The following TARBP1 variants were observed in gnomAD, a reference collection of about 807,000 sequenced individuals.
TARBP1 encodes the protein tRNA guanosine 2 -O-methyltransferase TARBP1.
TARBP1 carries 144 observed loss-of-function variants against 178.6 expected under a neutral mutation model. That is an observed-to-expected ratio of 0.81 (90% confidence interval 0.70 to 0.93). The LOEUF (loss-of-function observed/expected upper bound fraction) is 0.93, where lower values mean the gene tolerates loss of function less well. Ranked by LOEUF, TARBP1 falls within the 40% of genes least tolerant of loss-of-function variation. The probability of loss-of-function intolerance (pLI) is 0.00; values close to 1 mark genes in which losing one functional copy is unlikely to be tolerated. For missense variants in TARBP1, 2,067 were observed against 2,011.7 expected (o/e 1.03, Z -0.53); for synonymous variants, 787 against 781.0 (o/e 1.01, Z -0.13).
In TARBP1 at chr1:234,425,731, C is replaced by A; in HGVS notation, c.3386G>T (p.Gly1129Val). Residue 1129 changes from glycine (G) to valine (V), a missense_variant, in exon 20 of 30, where the codon GGC (glycine) becomes GTC (valine). Transcript: ENST00000040877. ...CAVKFLCLLD[G>V]SNMSHKLFIE... ...AAACAACTTGTGGGACATATTGGAG[C>A]CATCTAATAAACACAGGAATTTGAC... 2 of 1,610,430 alleles carry A rather than the reference C, an allele frequency of 1.2e-6. No homozygotes were observed. Among genetic ancestry groups the A allele is most frequent in the Non-Finnish European group, 1.7e-6 (2 of 1,177,184 alleles).
At chr1:234,416,817 G>A (rs188933991) in intron 22 of TARBP1, among the ~76,000 whole-genome samples, 39 of 152,288 alleles carry the variant, frequency 2.6e-4, no homozygotes, top group Admixed American at 9.2e-4. Flanking sequence ...GTTTAACACA[G>A]GGTGAAGTTT....
chr1:234,414,369 A>G (rs372945458), intron 22 of TARBP1, among the ~76,000 whole-genome samples: 25 of 152,346 alleles, frequency 1.6e-4, no homozygotes, highest in East Asian at 9.6e-4. Flanking sequence ...CACAACACAG[A>G]TAAGACTGAC....
chr1:234,403,233 T>C (rs1472257468), intron 24 of TARBP1, among the ~76,000 whole-genome samples: 2 of 152,218 alleles, frequency 1.3e-5, no homozygotes, highest in Non-Finnish European at 2.9e-5. Flanking sequence ...CAGACCAAGC[T>C]TGCTTTAGTT....
chr1:234,477,706 C>A (rs889507649), intron 1 of TARBP1, among the ~76,000 whole-genome samples: 6 of 152,174 alleles, frequency 3.9e-5, no homozygotes, highest in African/African-American at 1.4e-4. Context: ...TTCCTAATTA[C>A]CAGGGGAAAT....
At chr1:234,406,269 CA>C in intron 23 of TARBP1, 170 bp from the exon 24 acceptor site, 1 of 607,062 alleles carries the variant, frequency 1.6e-6, no homozygotes, top group Non-Finnish European at 2.9e-6. Flanking sequence ...ATGCGGTGCA[CA>C]GGCATTTGCA....
At chr1:234,462,761 G>T (rs1668012112) in intron 6 of TARBP1, among the ~76,000 whole-genome samples, 1 of 145,412 alleles carries the variant, frequency 6.9e-6, no homozygotes, top group African/African-American at 2.6e-5. Flanking sequence ...TTTTTTTAAA[G>T]AAAAAGTAAT....
In TARBP1 at chr1:234,457,391, G is replaced by A. The variant is rs148666745; in HGVS notation, c.1722+276C>T. Among the ~76,000 whole-genome samples the A allele has an allele frequency of 2.6e-5, 4 of 152,274 alleles. No individual in the cohort carries two copies. The East Asian group carries it at 5.8e-4, about 22-fold the overall frequency. ...GTCTAACATCGCCATTATTCCTAAT[G>A]CATCTCATCCAGAGTTGAGATCTGC... On this transcript the variant is annotated intron_variant, in intron 9 of 29. Coordinates refer to ENST00000040877, the MANE Select transcript of TARBP1 (RefSeq NM_005646.4).
intron 20 of TARBP1, among the ~76,000 whole-genome samples, chr1:234,421,926 G>A (rs367774158): frequency 2.6e-5 from 4 of 152,052 alleles, no homozygotes; most frequent in African/African-American, 9.7e-5. Flanking sequence ...CTCGTTCTCT[G>A]CATTTTAGTG....
intron 1 of TARBP1, among the ~76,000 whole-genome samples, chr1:234,476,836 A>G (rs1192047407): frequency 6.6e-6 from 1 of 152,238 alleles, no homozygotes; most frequent in Non-Finnish European, 1.5e-5. Context: ...GCTTTCTGTA[A>G]CAGAGGAAAT....
intron 3 of TARBP1, 52 bp from the exon 4 acceptor site, chr1:234,467,702 A>C (rs1235605086): frequency 4.0e-6 from 6 of 1,488,292 alleles, no homozygotes; most frequent in Non-Finnish European, 5.4e-6. Context: ...TCATTTCACC[A>C]TCAAGACTAC....
chr1:234,424,680 C>T (rs1558184537), intron 20 of TARBP1, among the ~76,000 whole-genome samples: 1 of 152,184 alleles, frequency 6.6e-6, no homozygotes, highest in Non-Finnish European at 1.5e-5. Flanking sequence ...AATCCCAGCA[C>T]TTTGGGAGGC....
At position 234,430,443 on chromosome 1, in the gene TARBP1, A is replaced by G; in HGVS notation, c.2395-142T>C. 4 of 688,862 alleles carry G rather than the reference A, an allele frequency of 5.8e-6. No homozygotes were observed. The South Asian group carries it at 7.7e-5, about 13-fold the overall frequency. The allele number at this position is 688,862 out of a possible 1,614,324, so 42.7% of individuals were successfully genotyped here. A position where few individuals can be genotyped will look rare whatever the true frequency, so the allele number is the denominator to read the frequency against. ...CTGAATATCAGGAGAAATAAAAGGAAATCCAGTACACATCATTCACTTCCA... is the reference window on the plus strand; with the variant it reads ...CTGAATATCAGGAGAAATAAAAGGAGATCCAGTACACATCATTCACTTCCA... On this transcript the variant is annotated intron_variant, in intron 14 of 29. Transcript: ENST00000040877.
Position 234,425,795 on chromosome 1 carries a change from T to C in TARBP1, c.3324-2A>G. On this transcript the variant is annotated splice_acceptor_variant, in intron 19 of 29. Coordinates refer to ENST00000040877, the MANE Select transcript of TARBP1 (RefSeq NM_005646.4). LOFTEE classifies it high-confidence loss of function. ...ACATAATGGTCTTCTCTCTTAGTAC[T>C]AAAAAAATTAAATGATAAATTATGT... The C allele has an allele frequency of 6.5e-7, 1 of 1,534,470 alleles. No individual in the cohort carries two copies. The highest frequency in any genetic ancestry group is 8.9e-7 in the Non-Finnish European group (1 of 1,129,694).
intron 13 of TARBP1, among the ~76,000 whole-genome samples, chr1:234,433,847 C>A (rs550723360): frequency 2.6e-5 from 4 of 152,158 alleles, no homozygotes; most frequent in Non-Finnish European, 4.4e-5. Flanking sequence ...CCTTAGATGG[C>A]AGAAATTACC....
intron 26 of TARBP1, among the ~76,000 whole-genome samples, chr1:234,397,173 C>A (rs72761957): frequency 0.16 from 9,505 of 57,714 alleles, 983 homozygotes; most frequent in East Asian, 0.42. Context: ...GAACCTGATT[C>A]TTGGGTTTTT....
chr1:234,459,975 G>A (rs1445545790), intron 7 of TARBP1, among the ~76,000 whole-genome samples: 2 of 150,150 alleles, frequency 1.3e-5, no homozygotes, highest in African/African-American at 2.5e-5. Flanking sequence ...TTCTACTTAC[G>A]AATGTAATTT....
In TARBP1 at chr1:234,460,243, A is replaced by G. The variant is rs773756219; in HGVS notation, c.1535+18T>C. ...TCATGGCAAATAACCATACAAGTAC[A>G]TATACAGAGTAAATTACCTGAGAGC... is the stretch of plus-strand genomic sequence containing the variant. On this transcript the variant is annotated intron_variant, in intron 7 of 29. Transcript: ENST00000040877. The G allele has an allele frequency of 7.5e-6, 12 of 1,610,716 alleles. No individual in the cohort carries two copies. Among genetic ancestry groups the G allele is most frequent in the African/African-American group, 1.3e-5 (1 of 74,678 alleles).
chr1:234,457,214 G>A (rs1026992722), intron 9 of TARBP1, among the ~76,000 whole-genome samples: 1 of 152,190 alleles, frequency 6.6e-6, no homozygotes, highest in Non-Finnish European at 1.5e-5. Context: ...AGATGTTTAT[G>A]AGACAGGAGG....
intron 24 of TARBP1, 151 bp from the exon 25 acceptor site, chr1:234,401,413 A>T (rs2103044015): frequency 1.7e-6 from 1 of 589,668 alleles, no homozygotes; most frequent in Non-Finnish European, 3.0e-6. Flanking sequence ...ACACCTCTCC[A>T]AGATCAATAC....
Sources: gnomAD v4.1 joint callset for allele counts (sites outside exome capture counted in the v4.1 genomes callset) on GRCh38, gnomAD v4.1.1 for gene constraint, MANE v1.5 for transcripts, NCBI Gene and HGNC (gene_info 2026-07-23, HGNC 2026-07-21) for gene names.